Variants in CKAP5 observed in about 807,000 individuals in gnomAD.
The protein encoded by CKAP5 is cytoskeleton-associated protein 5.
A neutral mutation model predicts 232.8 loss-of-function variants in CKAP5; 27 were observed. That is an observed-to-expected ratio of 0.12 (90% confidence interval 0.09 to 0.16). The LOEUF (loss-of-function observed/expected upper bound fraction) is 0.16. Among genes scored for constraint, CKAP5 ranks in the 10% least tolerant of loss-of-function variants. CKAP5 has a pLI of 1.00. For missense variants in CKAP5, 1,838 were observed against 2,424.7 expected (o/e 0.76, Z 5.08); for synonymous variants, 785 against 841.1 (o/e 0.93, Z 1.16).
intron 8 of CKAP5, among the ~76,000 whole-genome samples, chr11:46,805,264 GA>G (rs1402247315): frequency 2.6e-5 from 4 of 151,344 alleles, no homozygotes; most frequent in Non-Finnish European, 5.9e-5. Flanking sequence ...AAAAATAATA[GA>G]AAAAAAAGAA....
At chr11:46,797,703 A>G in intron 11 of CKAP5, 102 bp downstream of exon 11, 1 of 1,161,004 alleles carries the variant, frequency 8.6e-7, no homozygotes, top group Non-Finnish European at 1.2e-6. Context: ...AAAGATCATA[A>G]CCTCTATAGT....
chr11:46,793,165 C>A (rs1314837608), intron 13 of CKAP5, among the ~76,000 whole-genome samples: 1 of 152,188 alleles, frequency 6.6e-6, no homozygotes, highest in Non-Finnish European at 1.5e-5. Context: ...GTGTAGGACA[C>A]AAACTCCCTG....
chr11:46,809,606 C>T, intron 6 of CKAP5, 106 bp from the exon 7 acceptor site: 1 of 1,320,994 alleles, frequency 7.6e-7, no homozygotes, highest in Non-Finnish European at 1.1e-6. Context: ...GAGAAGGGAC[C>T]AGAGTTATTA....
At chr11:46,835,915 T>C (rs945357930) in intron 1 of CKAP5, among the ~76,000 whole-genome samples, 1 of 152,214 alleles carries the variant, frequency 6.6e-6, no homozygotes, top group East Asian at 1.9e-4. Context: ...TGATGTCACA[T>C]GGATATCACA....
chr11:46,821,177 T>C lies in CKAP5; in HGVS notation c.55A>G (p.Lys19Glu), dbSNP rs759790203. The change falls in exon 2 of 44, where the codon AAG (lysine) becomes GAG (glutamate). Residue 19 changes from lysine to glutamate, a missense_variant and splice_region_variant. Physicochemically the swap from Lys to Glu is moderately conservative, Grantham distance 56. This residue lies in a region of CKAP5 where 285 missense variants were observed against 300.0 expected (regional missense o/e 0.95). Transcript: ENST00000529230. ...KLPVDQKCEH[K>E]LWKARLSGYE... ...ATCGAATTCCAGAAGAATCTTACCTTGTGTTCACATTTCTGATCAACTGGC... is the reference window on the plus strand; with the variant it reads ...ATCGAATTCCAGAAGAATCTTACCTCGTGTTCACATTTCTGATCAACTGGC... The C allele has an allele frequency of 6.2e-7, 1 of 1,610,730 alleles. No individual in the cohort carries two copies. Among genetic ancestry groups the C allele is most frequent in the Non-Finnish European group, 8.5e-7 (1 of 1,177,036 alleles).
chr11:46,751,988 A>G (rs1236757779), intron 38 of CKAP5, among the ~76,000 whole-genome samples: 1 of 151,882 alleles, frequency 6.6e-6, no homozygotes, highest in African/African-American at 2.4e-5. Flanking sequence ...GGCTGTAGAT[A>G]TCTTTTTCCC....
At chr11:46,772,386 C>T (rs1032499524) in intron 24 of CKAP5, among the ~76,000 whole-genome samples, 1 of 152,030 alleles carries the variant, frequency 6.6e-6, no homozygotes, top group Non-Finnish European at 1.5e-5. Flanking sequence ...TTGCCAGCCT[C>T]CCATCCTGGA....
chr11:46,747,252 T>C (rs2065029159), intron 42 of CKAP5, among the ~76,000 whole-genome samples: 1 of 152,124 alleles, frequency 6.6e-6, no homozygotes, highest in Non-Finnish European at 1.5e-5. Context: ...CTACATTATA[T>C]AGTATGTTAG....
intron 22 of CKAP5, 79 bp from the exon 23 acceptor site, chr11:46,777,631 T>C: frequency 1.1e-6 from 1 of 883,738 alleles, no homozygotes. Context: ...GCTGCTATAC[T>C]GTCAATACAG....
rs950522051 is a variant in CKAP5 at position 46,743,632 on chromosome 11, C to A, written c.*391G>T. ...AGAATACAGTGACCCTTCAGGGCGA[C>A]AGAGAAGAGCTCACAAACTGAAAGG... is the stretch of plus-strand genomic sequence containing the variant. On this transcript the variant is annotated 3_prime_UTR_variant, in exon 44 of 44. Transcript: ENST00000529230. 4.8e-6 allele frequency: 1 copy of A among 208,900 alleles called. No individual in the cohort carries two copies. The highest frequency in any genetic ancestry group is 5.2e-5 in the Admixed American group (1 of 19,194). 12.9% of individuals were successfully genotyped at this position (208,900 alleles called of 1,614,324 possible).
Position 46,797,796 on chromosome 11 carries a change from A to G in CKAP5, c.1338+9T>C. 6.3e-7 allele frequency: 1 copy of G among 1,595,382 alleles called. No homozygotes were observed. The highest frequency in any genetic ancestry group is 8.5e-7 in the Non-Finnish European group (1 of 1,175,272). ...AAAATATTCCCCCAACTTCAAAGAG[A>G]GTCTGTACCTTAAGTAGTGCAGCAC... On this transcript the variant is annotated intron_variant, in intron 11 of 43. Coordinates refer to ENST00000529230, the MANE Select transcript of CKAP5 (RefSeq NM_001008938.4).
chr11:46,798,887 C>T (rs1938961218), intron 9 of CKAP5, among the ~76,000 whole-genome samples: 1 of 152,158 alleles, frequency 6.6e-6, no homozygotes, highest in Non-Finnish European at 1.5e-5. Flanking sequence ...CTTGTCTCCA[C>T]CAAAACAAAC....
At chr11:46,767,921 T>C (rs2065216711) in intron 26 of CKAP5, among the ~76,000 whole-genome samples, 1 of 152,014 alleles carries the variant, frequency 6.6e-6, no homozygotes, top group African/African-American at 2.4e-5. Flanking sequence ...GCCTCCCTAG[T>C]AGCTGGGACT....
At chr11:46,833,720 G>A (rs1054559320) in intron 1 of CKAP5, among the ~76,000 whole-genome samples, 2 of 151,342 alleles carry the variant, frequency 1.3e-5, no homozygotes, top group Non-Finnish European at 2.9e-5. Context: ...CTTGTGATCC[G>A]CCCGCCTCGT....
chr11:46,750,639 T>A (rs371184373), intron 40 of CKAP5, 28 bp from the exon 41 acceptor site: 3 of 1,550,026 alleles, frequency 1.9e-6, no homozygotes, highest in African/African-American at 1.4e-5. Flanking sequence ...ATAGGAAGAA[T>A]TGGTTAGACT....
At chr11:46,831,861 CTTT>C (rs71042624) in intron 1 of CKAP5, among the ~76,000 whole-genome samples, 10 of 119,054 alleles carry the variant, frequency 8.4e-5, no homozygotes, top group Non-Finnish European at 1.3e-4. Context: ...TAAACTTATC[CTTT>C]TTTTTTTTTT....
Position 46,809,480 on chromosome 11 carries a change from C to T in CKAP5, c.784G>A (p.Val262Met). The T allele has an allele frequency of 6.2e-7, 1 of 1,612,752 alleles. No individual in the cohort carries two copies. The highest frequency in any genetic ancestry group is 8.5e-7 in the Non-Finnish European group (1 of 1,179,132). Residue 262 changes from valine to methionine, a missense_variant, in exon 7 of 44, where the codon GTG becomes ATG. Val to Met is a conservative substitution (Grantham distance 21, BLOSUM62 1). Around this residue, in one of 6 missense-constraint regions of CKAP5, gnomAD observed 285 missense variants for 300.0 expected, o/e 0.95. Coordinates refer to ENST00000529230, the MANE Select transcript of CKAP5 (RefSeq NM_001008938.4). The stretch of plus-strand genomic sequence containing the variant: ...AGCTCATAAGCATCTATTTGTGGCA[C>T]CTCATCACCATCATCACCACCTTTA... ...AEGGGDDGDE[V>M]PQIDAYELLE...
At chr11:46,813,361 T>C (rs1466758307) in intron 4 of CKAP5, among the ~76,000 whole-genome samples, 2 of 152,180 alleles carry the variant, frequency 1.3e-5, no homozygotes, top group African/African-American at 4.8e-5. Flanking sequence ...CTATATATTA[T>C]TACTGTTTCA....
At chr11:46,809,308 G>A (rs919674630) in intron 7 of CKAP5, 92 bp downstream of exon 7, 3 of 773,800 alleles carry the variant, frequency 3.9e-6, no homozygotes, top group Non-Finnish European at 6.4e-6. Context: ...ATGGAAGGGG[G>A]TGCATCAGGC....
Sources: allele counts gnomAD v4.1 joint callset (sites outside exome capture counted in the v4.1 genomes callset), GRCh38; gene constraint gnomAD v4.1.1; regional missense constraint gnomAD v4.1.1; transcripts MANE v1.5; gene names NCBI Gene and HGNC (gene_info 2026-07-23, HGNC 2026-07-21).